PCDHA1: variants seen among roughly 807,000 people sequenced by gnomAD.
PCDHA1 encodes protocadherin alpha 1.
PCDHA1 carries 42 observed loss-of-function variants against 61.3 expected under a neutral mutation model. That is an observed-to-expected ratio of 0.69 (90% CI 0.54 to 0.89). The LOEUF (loss-of-function observed/expected upper bound fraction) is 0.89, where lower values mean the gene tolerates loss of function less well. Among genes scored for constraint, PCDHA1 ranks in the 40% least tolerant of loss-of-function variants. The probability of loss-of-function intolerance (pLI) is 0.00; values close to 1 mark genes in which losing one functional copy is unlikely to be tolerated. For missense variants in PCDHA1, 1,256 were observed against 1,235.3 expected (o/e 1.02, Z -0.25); for synonymous variants, 610 against 553.8 (o/e 1.10, Z -1.43).
chr5:140,882,942 C>T (rs2059373370), intron 1 of PCDHA1: 1 of 1,614,224 alleles, frequency 6.2e-7, no homozygotes. Flanking sequence ...CTGACTGGCA[C>T]AGTTCAGCTG....
intron 1 of PCDHA1, chr5:140,813,592 T>C (rs1554126239): frequency 6.6e-6 from 1 of 152,220 alleles, no homozygotes; most frequent in Admixed American, 6.5e-5. Context: ...TTTATCTGCA[T>C]GAGTCAATGA....
At chr5:140,968,473 G>A in intron 1 of PCDHA1, 1 of 1,614,098 alleles carries the variant, frequency 6.2e-7, no homozygotes. Flanking sequence ...ACGTATATGT[G>A]GTGGACATGA....
chr5:140,850,955 C>G (rs782006051), intron 1 of PCDHA1: 1 of 1,482,450 alleles, frequency 6.7e-7, no homozygotes, highest in African/African-American at 1.4e-5. Context: ...ATCGATTACT[C>G]CCAGGGGCCG....
At chr5:140,843,527 A>C (rs2150362053) in intron 1 of PCDHA1, 2 of 1,595,944 alleles carry the variant, frequency 1.3e-6, no homozygotes, top group Non-Finnish European at 1.7e-6. Context: ...CCGGGCGGGC[A>C]AGCCCACTCT....
chr5:140,825,591 T>A (rs1280614684), intron 1 of PCDHA1: 1 of 151,790 alleles, frequency 6.6e-6, no homozygotes, highest in African/African-American at 2.4e-5. Context: ...CCTGGCTAAT[T>A]TTTTGTATTT....
intron 1 of PCDHA1, chr5:140,968,366 G>A (rs145153557): frequency 7.4e-6 from 12 of 1,614,078 alleles, no homozygotes; most frequent in Non-Finnish European, 1.0e-5. Flanking sequence ...CCTTTATGCT[G>A]TCAACTCCTT....
intron 1 of PCDHA1, among the ~76,000 whole-genome samples, chr5:140,837,619 T>C (rs1775159860): frequency 6.7e-6 from 1 of 148,926 alleles, no homozygotes; most frequent in Admixed American, 6.6e-5. Flanking sequence ...ATTTGCCCCT[T>C]CCTTCCTTCC....
intron 1 of PCDHA1, among the ~76,000 whole-genome samples, chr5:140,945,356 G>A (rs1294877669): frequency 1.1e-4 from 16 of 151,976 alleles, no homozygotes; most frequent in Non-Finnish European, 1.9e-4. Flanking sequence ...AATTAATACT[G>A]TTTAAAATGT....
At chr5:140,797,673 G>A (rs1172910393) in intron 1 of PCDHA1, among the ~76,000 whole-genome samples, 1 of 152,062 alleles carries the variant, frequency 6.6e-6, no homozygotes, top group African/African-American at 2.4e-5. Flanking sequence ...CTTAAAAATT[G>A]AAAATCACAA....
intron 1 of PCDHA1, among the ~76,000 whole-genome samples, chr5:140,962,346 TC>T (rs35212677): frequency 6.6e-6 from 1 of 152,108 alleles, no homozygotes; most frequent in Non-Finnish European, 1.5e-5. Flanking sequence ...GAAGTAAAAC[TC>T]CCCCCAATAC....
intron 1 of PCDHA1, chr5:140,809,489 G>C: frequency 1.2e-6 from 2 of 1,614,246 alleles, no homozygotes; most frequent in Non-Finnish European, 8.5e-7. Context: ...ACCCAAGACC[G>C]ACCTCATGGC....
intron 1 of PCDHA1, chr5:140,850,534 C>A: frequency 6.3e-7 from 1 of 1,598,276 alleles, no homozygotes; most frequent in Non-Finnish European, 8.6e-7. Flanking sequence ...AAGTCATCGT[C>A]GCGGGCGTCA....
intron 1 of PCDHA1, chr5:140,849,568 C>G: frequency 1.3e-6 from 2 of 1,598,620 alleles, no homozygotes; most frequent in Non-Finnish European, 1.7e-6. Flanking sequence ...CTCTCGGTTC[C>G]TGTAAAAGAG....
At chr5:140,933,901 CAT>C (rs1354614736) in intron 1 of PCDHA1, among the ~76,000 whole-genome samples, 33 of 151,882 alleles carry the variant, frequency 2.2e-4, no homozygotes, top group African/African-American at 7.7e-4. Flanking sequence ...AATATTTTGG[CAT>C]AAAGTTGTTT....
chr5:140,936,003 C>T (rs1362734996), intron 1 of PCDHA1, among the ~76,000 whole-genome samples: 22 of 151,556 alleles, frequency 1.5e-4, no homozygotes, highest in Non-Finnish European at 1.5e-4. Context: ...AGCGATTCTC[C>T]CACCTCAGCC....
chr5:140,994,434 G>A (rs1238502710), intron 3 of PCDHA1, among the ~76,000 whole-genome samples: 1 of 152,156 alleles, frequency 6.6e-6, no homozygotes, highest in African/African-American at 2.4e-5. Flanking sequence ...CGGGCGCAGT[G>A]GCTCACACCT....
chr5:140,986,467 T>G (rs190246289), intron 3 of PCDHA1, among the ~76,000 whole-genome samples: 4 of 152,196 alleles, frequency 2.6e-5, no homozygotes, highest in Non-Finnish European at 5.9e-5. Context: ...AATGCCCTCT[T>G]GTGATCAGTT....
intron 1 of PCDHA1, among the ~76,000 whole-genome samples, chr5:140,793,818 T>C (rs1190170496): frequency 6.6e-6 from 1 of 152,182 alleles, no homozygotes; most frequent in Admixed American, 6.5e-5. Context: ...CTAAATGTAA[T>C]GGAAAAGGAA....
chr5:140,803,755 C>T (rs941737742), intron 1 of PCDHA1: 2 of 1,260,296 alleles, frequency 1.6e-6, no homozygotes, highest in East Asian at 2.4e-5. Flanking sequence ...ATTTTTGTTG[C>T]TAATTTTTGA....
Sources: allele counts gnomAD v4.1 joint callset (sites outside exome capture counted in the v4.1 genomes callset), GRCh38; gene constraint gnomAD v4.1.1; transcripts MANE v1.5; gene names NCBI Gene and HGNC (gene_info 2026-07-23, HGNC 2026-07-21).